Variants in CDC25C observed in about 807,000 individuals in gnomAD.
The protein encoded by CDC25C is cell division cycle 25C, also known as M-phase inducer phosphatase 3.
A neutral mutation model predicts 52.5 loss-of-function variants in CDC25C; 48 were observed. That is an observed-to-expected ratio of 0.91 (90% CI 0.72 to 1.16). CDC25C has a LOEUF of 1.16. CDC25C is among the 50% of genes most tolerant of loss of function. The pLI is 0.00. For synonymous variants in CDC25C, 187 were observed against 206.5 expected (o/e 0.91, Z 0.81); for missense variants, 510 against 566.1 (o/e 0.90, Z 1.01).
At chr5:138,312,491 A>AT (rs1758529015) in intron 7 of CDC25C, among the ~76,000 whole-genome samples, 1 of 152,262 alleles carries the variant, frequency 6.6e-6, no homozygotes, top group South Asian at 2.1e-4. Flanking sequence ...TGATATATAC[A>AT]TACAATGGAA....
chr5:138,307,526 A>AG (rs1246092870), intron 7 of CDC25C, among the ~76,000 whole-genome samples: 1 of 150,940 alleles, frequency 6.6e-6, no homozygotes, highest in African/African-American at 2.4e-5. Flanking sequence ...AAGAGAAAGA[A>AG]GGAAAAAAAG....
chr5:138,296,606 TTA>T (rs1215110301), intron 7 of CDC25C, among the ~76,000 whole-genome samples: 2 of 135,762 alleles, frequency 1.5e-5, no homozygotes, highest in East Asian at 2.6e-4. Flanking sequence ...TTATTATTAA[TTA>T]TTTTTTTTTT....
chr5:138,298,947 C>A lies in CDC25C; in HGVS notation c.616-6831G>T, dbSNP rs894626825. ...GTGGCTCACACCTGTAATCCCAGCA[C>A]TTTGGGAGGCTGAGGCGGGCGGATC... On this transcript the variant is annotated intron_variant, in intron 7 of 13. Coordinates refer to ENST00000323760, the MANE Select transcript of CDC25C (RefSeq NM_001790.5). Among the ~76,000 whole-genome samples, 18 of 151,848 alleles carry A rather than the reference C, an allele frequency of 1.2e-4. No homozygotes were observed. In the East Asian group the frequency reaches 3.3e-3, roughly 28 times the overall value.
intron 12 of CDC25C, 104 bp from the exon 13 acceptor site, chr5:138,286,237 C>T: frequency 3.2e-6 from 3 of 923,172 alleles, no homozygotes; most frequent in South Asian, 3.2e-5. Context: ...TTGCCAACCT[C>T]AAAAAGGACT....
upstream of CDC25C, among the ~76,000 whole-genome samples, chr5:138,332,750 C>T (rs1278233845): frequency 6.6e-6 from 1 of 152,122 alleles, no homozygotes; most frequent in Non-Finnish European, 1.5e-5. Context: ...CCTGTAATCC[C>T]AGCTACTTGG....
At chr5:138,286,230 C>T (rs1039395362) in intron 12 of CDC25C, 97 bp from the exon 13 acceptor site, 14 of 971,154 alleles carry the variant, frequency 1.4e-5, no homozygotes, top group Non-Finnish European at 2.0e-5. Context: ...TAGACTATTG[C>T]CAACCTCAAA....
chr5:138,290,823 C>T lies in CDC25C; in HGVS notation c.763-83G>A, dbSNP rs555516263. ...CAGTGGATGGAGTGGGCCATGGTGG[C>T]GCACATCTGTAATCCTAGCTACATG... On this transcript the variant is annotated intron_variant, in intron 8 of 13. Coordinates refer to ENST00000323760, the MANE Select transcript of CDC25C (RefSeq NM_001790.5). The T allele has an allele frequency of 6.1e-5, 51 of 834,454 alleles. 1 individual carries two copies. The highest frequency in any genetic ancestry group is 4.5e-4 in the South Asian group (32 of 70,522). 51.7% of individuals were successfully genotyped at this position (834,454 alleles called of 1,614,324 possible). A position where few individuals can be genotyped will look rare whatever the true frequency, so the allele number is the denominator to read the frequency against.
At chr5:138,310,261 C>A (rs905806723) in intron 7 of CDC25C, among the ~76,000 whole-genome samples, 9 of 152,186 alleles carry the variant, frequency 5.9e-5, no homozygotes, top group African/African-American at 2.2e-4. Context: ...CAGGCCAGAA[C>A]ATTCTTGTAG....
intron 6 of CDC25C, among the ~76,000 whole-genome samples, chr5:138,322,002 T>TA (rs1251474695): frequency 1.3e-5 from 2 of 151,768 alleles, no homozygotes; most frequent in African/African-American, 4.8e-5. Flanking sequence ...TTATTATTAT[T>TA]ATTTTATTTT....
chr5:138,290,853 G>A, intron 8 of CDC25C, 113 bp from the exon 9 acceptor site: 1 of 679,288 alleles, frequency 1.5e-6, no homozygotes, highest in Admixed American at 2.2e-5. Context: ...TACATGGGAG[G>A]CTGAGGTAGG....
chr5:138,322,863 A>T (rs1367613628), intron 6 of CDC25C, among the ~76,000 whole-genome samples: 5 of 150,720 alleles, frequency 3.3e-5, no homozygotes, highest in African/African-American at 1.2e-4. Flanking sequence ...TCAAGTGATC[A>T]GCCTGCCTCA....
intron 6 of CDC25C, among the ~76,000 whole-genome samples, chr5:138,325,056 C>A (rs545933368): frequency 2.3e-4 from 35 of 151,908 alleles, no homozygotes; most frequent in African/African-American, 7.3e-4. Flanking sequence ...GGCGATGGAG[C>A]GAGACTCAGT....
intron 4 of CDC25C, among the ~76,000 whole-genome samples, chr5:138,326,960 A>AG (rs1256899231): frequency 1.3e-5 from 2 of 150,562 alleles, no homozygotes; most frequent in Admixed American, 1.3e-4. Flanking sequence ...CTCAAAAAAA[A>AG]AAAAAAAAAA....
intron 7 of CDC25C, among the ~76,000 whole-genome samples, chr5:138,297,067 C>G (rs72492412): frequency 6.7e-6 from 1 of 149,036 alleles, no homozygotes; most frequent in Non-Finnish European, 1.5e-5. Context: ...TCCGCCACCA[C>G]GCCAGGCTAA....
intron 7 of CDC25C, among the ~76,000 whole-genome samples, chr5:138,300,521 C>G (rs1398656189): frequency 6.6e-6 from 1 of 151,796 alleles, no homozygotes; most frequent in Non-Finnish European, 1.5e-5. Context: ...CGTGATTGTG[C>G]TACTGCAGTC....
intron 4 of CDC25C, among the ~76,000 whole-genome samples, chr5:138,327,509 G>A (rs549566619): frequency 1.3e-5 from 2 of 151,750 alleles, no homozygotes; most frequent in Non-Finnish European, 2.9e-5. Flanking sequence ...GGTGGTGGAC[G>A]CCTGTAATCC....
At chr5:138,296,610 T>A (rs1195958401) in intron 7 of CDC25C, among the ~76,000 whole-genome samples, 1 of 145,140 alleles carries the variant, frequency 6.9e-6, no homozygotes, top group African/African-American at 2.5e-5. Flanking sequence ...TATTAATTAT[T>A]TTTTTTTTTT....
In CDC25C at chr5:138,326,870, T is replaced by G. The variant is rs200379007; in HGVS notation, c.336-816A>C. On this transcript the variant is annotated intron_variant, in intron 4 of 13. Transcript: ENST00000323760. ...GGGAGCCTGAGGCAGGAGAATCGCTTGAACCCGGGAGGGAGAGGTTGTGGT... is the reference window on the plus strand; with the variant it reads ...GGGAGCCTGAGGCAGGAGAATCGCTGGAACCCGGGAGGGAGAGGTTGTGGT... Among the ~76,000 whole-genome samples the G allele has an allele frequency of 6.1e-5, 9 of 146,998 alleles. No homozygotes were observed. The East Asian group carries it at 1.8e-3, about 30-fold the overall frequency.
In CDC25C at chr5:138,285,531, A is replaced by G. The variant is rs886876013; in HGVS notation, c.*161T>C. On this transcript the variant is annotated 3_prime_UTR_variant, in exon 14 of 14. Coordinates refer to ENST00000323760, the MANE Select transcript of CDC25C (RefSeq NM_001790.5). ...TGCCACCAGCTTTCAGCTCTGCTGA[A>G]ACCTAATCCATTCCCAGGCCTGGAT... is the stretch of plus-strand genomic sequence containing the variant. 1 of 713,358 alleles carries G rather than the reference A, an allele frequency of 1.4e-6. No individual in the cohort carries two copies. The highest frequency in any genetic ancestry group is 4.1e-4 in the Middle Eastern group (1 of 2,430). The allele number at this position is 713,358 out of a possible 1,614,324, so 44.2% of individuals were successfully genotyped here.
Sources: gnomAD v4.1 joint callset for allele counts (sites outside exome capture counted in the v4.1 genomes callset) on GRCh38, gnomAD v4.1.1 for gene constraint, MANE v1.5 for transcripts, NCBI Gene and HGNC (gene_info 2026-07-23, HGNC 2026-07-21) for gene names.